CWC27: variants seen among roughly 807,000 people sequenced by gnomAD.
CWC27 encodes the protein CWC27 spliceosome associated cyclophilin.
CWC27 carries 47 observed loss-of-function variants against 63.6 expected under a neutral mutation model. The ratio of observed to expected loss-of-function variants is 0.74; its 90% CI spans 0.58 to 0.94. The LOEUF (loss-of-function observed/expected upper bound fraction) is 0.94. Ranked by LOEUF, CWC27 falls within the 40% of genes least tolerant of loss-of-function variation. The pLI is 0.00. For missense variants in CWC27, 495 were observed against 554.3 expected, an observed-to-expected ratio of 0.89 and a Z score of 1.07; for synonymous variants, 175 against 179.8, an observed-to-expected ratio of 0.97 and a Z score of 0.22.
chr5:64,850,311 C>T (rs962356200), intron 10 of CWC27, among the ~76,000 whole-genome samples: 4 of 150,498 alleles, frequency 2.7e-5, no homozygotes, highest in Non-Finnish European at 3.0e-5. Context: ...TGATTTTTGA[C>T]AAAGGGCCAA....
At chr5:65,011,952 G>C (rs1057462312) in intron 13 of CWC27, among the ~76,000 whole-genome samples, 2 of 152,154 alleles carry the variant, frequency 1.3e-5, no homozygotes, top group African/African-American at 4.8e-5. Context: ...TTTATAGGGG[G>C]AATTAATGCT....
intron 9 of CWC27, among the ~76,000 whole-genome samples, chr5:64,802,159 T>C (rs966487830): frequency 8.5e-5 from 13 of 152,190 alleles, no homozygotes; most frequent in Non-Finnish European, 1.6e-4. Context: ...TAGCATATGC[T>C]AAAGCATGGA....
At chr5:64,858,321 G>T (rs1283634563) in intron 10 of CWC27, among the ~76,000 whole-genome samples, 1 of 149,058 alleles carries the variant, frequency 6.7e-6, no homozygotes, top group African/African-American at 2.5e-5. Flanking sequence ...AATTAGCAGG[G>T]CGTGGTGGCG....
intron 13 of CWC27, among the ~76,000 whole-genome samples, chr5:64,979,252 C>A (rs932777082): frequency 1.3e-5 from 2 of 152,110 alleles, no homozygotes; most frequent in African/African-American, 4.8e-5. Flanking sequence ...TTAAAGGAAC[C>A]ATTAGCAGGT....
intron 10 of CWC27, among the ~76,000 whole-genome samples, chr5:64,831,475 GAGATAGATAGATAGAT>G (rs3075244): frequency 2.7e-5 from 4 of 148,208 alleles, no homozygotes; most frequent in African/African-American, 5.0e-5. Context: ...TTATTTATTT[GAGATAGATAGATAGAT>G]AGATAGATAG....
chr5:64,847,599 GAC>G (rs1260974861), intron 10 of CWC27, among the ~76,000 whole-genome samples: 2 of 152,098 alleles, frequency 1.3e-5, no homozygotes, highest in Admixed American at 6.5e-5. Context: ...TTTCCTTGAG[GAC>G]ACACAGAACA....
chr5:64,974,568 A>G (rs1749191274), intron 12 of CWC27, among the ~76,000 whole-genome samples: 1 of 152,196 alleles, frequency 6.6e-6, no homozygotes, highest in Non-Finnish European at 1.5e-5. Flanking sequence ...CCCATAACAC[A>G]TGGGAATTCT....
At chr5:64,933,019 T>C (rs1054825300) in intron 11 of CWC27, among the ~76,000 whole-genome samples, 4 of 152,230 alleles carry the variant, frequency 2.6e-5, no homozygotes, top group African/African-American at 7.2e-5. Flanking sequence ...TAATCATCTA[T>C]GATTTTTCTC....
chr5:64,930,507 A>G (rs1748216268), intron 11 of CWC27, among the ~76,000 whole-genome samples: 1 of 152,176 alleles, frequency 6.6e-6, no homozygotes, highest in South Asian at 2.1e-4. Flanking sequence ...ATGAATGAAT[A>G]CTTAGAAGAG....
intron 11 of CWC27, among the ~76,000 whole-genome samples, chr5:64,907,119 C>G (rs1356973092): frequency 1.3e-5 from 2 of 152,144 alleles, no homozygotes; most frequent in African/African-American, 2.4e-5. Flanking sequence ...CAGCTTTGTT[C>G]TTTTGGCTTA....
At chr5:64,933,495 CTTT>C (rs763750959) in intron 11 of CWC27, among the ~76,000 whole-genome samples, 4 of 138,508 alleles carry the variant, frequency 2.9e-5, no homozygotes, top group Admixed American at 1.4e-4. Flanking sequence ...TTTTCTTTCT[CTTT>C]TTTTTTTTTT....
At chr5:64,990,200 G>T (rs966311316) in intron 13 of CWC27, among the ~76,000 whole-genome samples, 1 of 149,352 alleles carries the variant, frequency 6.7e-6, no homozygotes, top group African/African-American at 2.5e-5. Flanking sequence ...CTGTCATTAT[G>T]CTTTATGTAG....
In CWC27 at chr5:65,017,093, G is replaced by T. The variant is rs189083923; in HGVS notation, c.1257-1066G>T. Among the ~76,000 whole-genome samples, 8 of 151,934 alleles carry T rather than the reference G, an allele frequency of 5.3e-5. No individual in the cohort carries two copies. The East Asian group carries it at 1.5e-3, about 29-fold the overall frequency. ...TCCCAGCACTTTGGGAGGCCGAGGC[G>T]GGCAGATCACGAGGTCAGAAGTTTG... On this transcript the variant is annotated intron_variant, in intron 13 of 13. Transcript: ENST00000381070.
At chr5:64,912,316 G>A (rs768255328) in intron 11 of CWC27, among the ~76,000 whole-genome samples, 1 of 152,052 alleles carries the variant, frequency 6.6e-6, no homozygotes, top group East Asian at 1.9e-4. Flanking sequence ...GGTGCACAAA[G>A]GGACAAAATT....
chr5:64,872,216 G>A (rs1226964322), intron 10 of CWC27, among the ~76,000 whole-genome samples: 1 of 152,066 alleles, frequency 6.6e-6, no homozygotes, highest in East Asian at 1.9e-4. Context: ...TGCTTTAGGA[G>A]GAATAGATGT....
intron 11 of CWC27, among the ~76,000 whole-genome samples, chr5:64,885,801 A>G (rs1417627170): frequency 1.3e-5 from 2 of 151,204 alleles, no homozygotes; most frequent in Non-Finnish European, 2.9e-5. Context: ...AATTTGTCTA[A>G]GAAGTAAATT....
chr5:64,967,905 A>C (rs192118709), intron 11 of CWC27, among the ~76,000 whole-genome samples: 20 of 152,194 alleles, frequency 1.3e-4, no homozygotes, highest in Non-Finnish European at 2.5e-4. Context: ...TGAAATTTAA[A>C]TATTGATAAA....
chr5:64,889,318 A>G (rs1306276224), intron 11 of CWC27, among the ~76,000 whole-genome samples: 1 of 152,234 alleles, frequency 6.6e-6, no homozygotes. Flanking sequence ...TCACTAATCT[A>G]TGGTCACGGA....
chr5:64,984,574 G>A (rs749046576), intron 13 of CWC27, among the ~76,000 whole-genome samples: 8 of 152,250 alleles, frequency 5.3e-5, no homozygotes, highest in South Asian at 2.1e-4. Flanking sequence ...AATCTGTCCC[G>A]TACTTGCTTG....
Sources: allele counts gnomAD v4.1 joint callset (sites outside exome capture counted in the v4.1 genomes callset), GRCh38; gene constraint gnomAD v4.1.1; transcripts MANE v1.5; gene names NCBI Gene and HGNC (gene_info 2026-07-23, HGNC 2026-07-21).